AGBL4: variants seen among roughly 807,000 people sequenced by gnomAD.
AGBL4 encodes the protein AGBL carboxypeptidase 4.
A neutral mutation model predicts 66.4 loss-of-function variants in AGBL4; 58 were observed. The observed-to-expected ratio is 0.87, with a 90% confidence interval of 0.71 to 1.09. The LOEUF (loss-of-function observed/expected upper bound fraction) is 1.09, where lower values mean the gene tolerates loss of function less well. Ranked by LOEUF, AGBL4 falls within the 50% of genes least tolerant of loss-of-function variation. The pLI is 0.00. For synonymous variants in AGBL4, 234 were observed against 222.9 expected, an observed-to-expected ratio of 1.05 and a Z score of -0.44; for missense variants, 579 against 631.0, an observed-to-expected ratio of 0.92 and a Z score of 0.88.
At chr1:49,724,421 T>C (rs1648853981) in intron 2 of AGBL4, among the ~76,000 whole-genome samples, 1 of 152,160 alleles carries the variant, frequency 6.6e-6, no homozygotes, top group Non-Finnish European at 1.5e-5. Context: ...ATGACAGACA[T>C]AGTCCCTTTC....
chr1:48,682,869 C>T (rs80184813), intron 6 of AGBL4, among the ~76,000 whole-genome samples: 1,989 of 152,220 alleles, frequency 0.013, 50 homozygotes, highest in African/African-American at 0.046. Flanking sequence ...CCTTGTCTGC[C>T]TCATTTAATG....
chr1:49,922,227 G>A lies in AGBL4; in HGVS notation c.35-70709C>T, dbSNP rs1652329414. Reference sequence around the variant, plus strand: ...GATCACTGTGTATAAGCTTTTTCATGTTCTGCTGGATTCAGTTTGCCAATA... The same window carrying A: ...GATCACTGTGTATAAGCTTTTTCATATTCTGCTGGATTCAGTTTGCCAATA... On this transcript the variant is annotated intron_variant, in intron 1 of 13. Coordinates refer to ENST00000371839, the MANE Select transcript of AGBL4 (RefSeq NM_032785.4). Among the ~76,000 whole-genome samples, 3 of 152,218 alleles carry A rather than the reference G, an allele frequency of 2.0e-5. No individual in the cohort carries two copies. In the South Asian group the frequency reaches 6.2e-4, roughly 32 times the overall value.
chr1:49,114,140 T>C (rs1323803618), intron 4 of AGBL4, among the ~76,000 whole-genome samples: 1 of 152,228 alleles, frequency 6.6e-6, no homozygotes, highest in Non-Finnish European at 1.5e-5. Context: ...ATATAAGATG[T>C]GTCTACATTG....
intron 4 of AGBL4, among the ~76,000 whole-genome samples, chr1:49,230,598 T>C (rs1200132198): frequency 2.0e-5 from 3 of 152,204 alleles, no homozygotes; most frequent in African/African-American, 7.2e-5. Flanking sequence ...TCTTTTTAAA[T>C]CTATCTTGGG....
chr1:49,185,065 A>G (rs1282064578), intron 4 of AGBL4, among the ~76,000 whole-genome samples: 4 of 152,158 alleles, frequency 2.6e-5, no homozygotes, highest in Non-Finnish European at 5.9e-5. Flanking sequence ...TTCCCATTTT[A>G]CAGAGACTCA....
intron 2 of AGBL4, among the ~76,000 whole-genome samples, chr1:49,796,271 T>C (rs1045555522): frequency 1.3e-5 from 2 of 151,852 alleles, no homozygotes; most frequent in South Asian, 2.1e-4. Context: ...AAAGTAATTA[T>C]CAGCAGAGTT....
chr1:49,547,962 C>T (rs916980242), intron 3 of AGBL4, among the ~76,000 whole-genome samples: 19 of 151,830 alleles, frequency 1.3e-4, no homozygotes, highest in East Asian at 3.9e-4. Flanking sequence ...TTAGTAGAGA[C>T]GGGGTTTCAC....
chr1:49,940,712 T>A (rs1323463095), intron 1 of AGBL4, among the ~76,000 whole-genome samples: 1 of 149,056 alleles, frequency 6.7e-6, no homozygotes, highest in Non-Finnish European at 1.5e-5. Flanking sequence ...GGGGTGGGGG[T>A]ATGGGGGAGG....
intron 4 of AGBL4, among the ~76,000 whole-genome samples, chr1:49,161,420 C>T (rs1310516035): frequency 6.6e-6 from 1 of 152,148 alleles, no homozygotes. Flanking sequence ...AACTGGTTAC[C>T]TCAGTTGGAT....
intron 1 of AGBL4, among the ~76,000 whole-genome samples, chr1:49,976,555 C>T (rs985019038): frequency 2.0e-5 from 3 of 151,928 alleles, no homozygotes; most frequent in Non-Finnish European, 4.4e-5. Context: ...TTTTGGAAAC[C>T]CTGAGCCATT....
chr1:48,725,539 T>C (rs1009279920), intron 6 of AGBL4, among the ~76,000 whole-genome samples: 5 of 152,198 alleles, frequency 3.3e-5, no homozygotes, highest in Non-Finnish European at 5.9e-5. Context: ...AATACTTAGG[T>C]TGGGTTTCCC....
At chr1:49,580,219 G>C (rs1334607418) in intron 3 of AGBL4, among the ~76,000 whole-genome samples, 1 of 152,026 alleles carries the variant, frequency 6.6e-6, no homozygotes, top group Non-Finnish European at 1.5e-5. Context: ...AGTAAGAACA[G>C]TTTCTTGTAT....
intron 11 of AGBL4, among the ~76,000 whole-genome samples, chr1:48,551,571 AAAAC>A (rs1161318339): frequency 6.6e-6 from 1 of 152,168 alleles, no homozygotes. Context: ...AAGCAAGACA[AAAAC>A]AAATCAAGAT....
chr1:48,982,772 G>T (rs1380014634), intron 5 of AGBL4, among the ~76,000 whole-genome samples: 1 of 152,078 alleles, frequency 6.6e-6, no homozygotes, highest in African/African-American at 2.4e-5. Context: ...CTGAGGAATT[G>T]CCACACTGAC....
At chr1:49,116,184 T>C (rs1645516893) in intron 4 of AGBL4, among the ~76,000 whole-genome samples, 1 of 152,184 alleles carries the variant, frequency 6.6e-6, no homozygotes, top group Non-Finnish European at 1.5e-5. Context: ...AAGAAAGCAT[T>C]GTGCCAGAGT....
chr1:48,602,830 C>A (rs1375367913), intron 9 of AGBL4, among the ~76,000 whole-genome samples: 1 of 152,124 alleles, frequency 6.6e-6, no homozygotes, highest in Non-Finnish European at 1.5e-5. Context: ...TTCTCTTCTC[C>A]CTCTTCATTC....
At chr1:49,115,723 C>T (rs1645505604) in intron 4 of AGBL4, among the ~76,000 whole-genome samples, 1 of 152,110 alleles carries the variant, frequency 6.6e-6, no homozygotes, top group African/African-American at 2.4e-5. Context: ...GCAAAGTACA[C>T]ATGTTATTCA....
chr1:49,729,760 C>A (rs1336475880), intron 2 of AGBL4, among the ~76,000 whole-genome samples: 16 of 152,034 alleles, frequency 1.1e-4, no homozygotes, highest in Non-Finnish European at 1.5e-4. Context: ...TTATAAAGAT[C>A]CGAATTAATA....
At chr1:49,642,101 C>T (rs1645792902) in intron 3 of AGBL4, among the ~76,000 whole-genome samples, 1 of 151,672 alleles carries the variant, frequency 6.6e-6, no homozygotes, top group African/African-American at 2.4e-5. Context: ...TAATATGGTT[C>T]TCAAAGATGG....
Sources: gnomAD v4.1 joint callset for allele counts (sites outside exome capture counted in the v4.1 genomes callset) on GRCh38, gnomAD v4.1.1 for gene constraint, MANE v1.5 for transcripts, NCBI Gene and HGNC (gene_info 2026-07-23, HGNC 2026-07-21) for gene names.